TRDN: variants seen among roughly 807,000 people sequenced by gnomAD.
The protein encoded by TRDN is triadin in skeletal muscle.
TRDN carries 161 observed loss-of-function variants against 149.7 expected under a neutral mutation model. That is an observed-to-expected ratio of 1.08 (90% CI 0.95 to 1.23). TRDN has a LOEUF of 1.23. Among genes scored for constraint, TRDN ranks in the 50% most tolerant of loss-of-function variants. The probability of loss-of-function intolerance (pLI) is 0.00; values close to 1 mark genes in which losing one functional copy is unlikely to be tolerated. For synonymous variants in TRDN, 294 were observed against 250.5 expected, an observed-to-expected ratio of 1.17 and a Z score of -1.64; for missense variants, 896 against 823.5, an observed-to-expected ratio of 1.09 and a Z score of -1.08.
intron 36 of TRDN, 37 bp from the exon 37 acceptor site, chr6:123,255,162 T>G (rs1439168930): frequency 1.0e-6 from 1 of 998,064 alleles, no homozygotes; most frequent in African/African-American, 1.6e-5. Flanking sequence ...AATATAAATT[T>G]TTAAAGTAAA....
At chr6:123,397,567 T>A (rs1289579736) in intron 12 of TRDN, among the ~76,000 whole-genome samples, 1 of 152,114 alleles carries the variant, frequency 6.6e-6, no homozygotes, top group African/African-American at 2.4e-5. Context: ...AAAAATCCAA[T>A]TGACTGCTTT....
intron 12 of TRDN, chr6:123,421,634 A>G (rs1350683525): frequency 1.3e-5 from 2 of 152,114 alleles, no homozygotes; most frequent in Non-Finnish European, 2.9e-5. Flanking sequence ...CTCTGCATCA[A>G]TAGGCTTTGC....
intron 2 of TRDN, among the ~76,000 whole-genome samples, chr6:123,556,314 T>C (rs959866843): frequency 2.6e-5 from 4 of 152,190 alleles, no homozygotes; most frequent in Non-Finnish European, 5.9e-5. Flanking sequence ...TGATTTAACT[T>C]CAAAACTAAG....
intron 38 of TRDN, among the ~76,000 whole-genome samples, chr6:123,242,560 G>T (rs1235400181): frequency 6.6e-6 from 1 of 152,046 alleles, no homozygotes; most frequent in Non-Finnish European, 1.5e-5. Flanking sequence ...CAGCTAATAC[G>T]AGCCTCTTCC....
chr6:123,552,683 C>T (rs1781457027), intron 2 of TRDN, among the ~76,000 whole-genome samples: 1 of 152,098 alleles, frequency 6.6e-6, no homozygotes, highest in Admixed American at 6.6e-5. Flanking sequence ...AAAATTTAAA[C>T]TCTGCCTGAA....
At chr6:123,288,812 C>T (rs1428999820) in intron 24 of TRDN, among the ~76,000 whole-genome samples, 1 of 151,878 alleles carries the variant, frequency 6.6e-6, no homozygotes, top group East Asian at 1.9e-4. Context: ...TGGAGAATAG[C>T]ATGAAGGCTC....
chr6:123,218,852 T>A, intron 40 of TRDN, 112 bp from the exon 41 acceptor site: 1 of 1,163,942 alleles, frequency 8.6e-7, no homozygotes, highest in Non-Finnish European at 1.2e-6. Flanking sequence ...GCAGCCTCCG[T>A]AGCTGTTGGC....
intron 9 of TRDN, chr6:123,470,993 G>A (rs1339269652): frequency 6.6e-6 from 1 of 151,998 alleles, no homozygotes; most frequent in Non-Finnish European, 1.5e-5. Context: ...AGTGAGCAGA[G>A]ACAAAAAAAT....
intron 21 of TRDN, 150 bp from the exon 22 acceptor site, chr6:123,337,819 C>A: frequency 2.1e-6 from 1 of 475,844 alleles, no homozygotes; most frequent in Non-Finnish European, 3.8e-6. Flanking sequence ...CATATGTTGT[C>A]TATAAGACAT....
At chr6:123,608,417 G>A (rs566951397) in intron 1 of TRDN, among the ~76,000 whole-genome samples, 2 of 152,180 alleles carry the variant, frequency 1.3e-5, no homozygotes, top group South Asian at 4.1e-4. Context: ...ATTTTCACGA[G>A]AGTTGTGTTT....
At chr6:123,330,757 T>A (rs1779630923) in intron 23 of TRDN, among the ~76,000 whole-genome samples, 2 of 152,068 alleles carry the variant, frequency 1.3e-5, no homozygotes, top group African/African-American at 4.8e-5. Flanking sequence ...AAGTATGACT[T>A]AAGGCTATAG....
At position 123,266,717 on chromosome 6, in the gene TRDN, T is replaced by TGTATA. The variant is rs1777013630; in HGVS notation, c.1783+989_1783+990insTATAC. Among the ~76,000 whole-genome samples, 5 of 84,902 alleles carry TGTATA rather than the reference T, an allele frequency of 5.9e-5. 1 individual carries two copies. The highest frequency in any genetic ancestry group is 4.1e-4 in the Admixed American group (2 of 4,928). 55.7% of individuals were successfully genotyped at this position (84,902 alleles called of 152,430 possible). On this transcript the variant is annotated intron_variant, in intron 32 of 40. Coordinates refer to ENST00000334268, the MANE Select transcript of TRDN (RefSeq NM_006073.4). ...ATTATAATATGTATTATATATAATA[T>TGTATA]ATATGATATATTATATATGTAATAT...
intron 9 of TRDN, among the ~76,000 whole-genome samples, chr6:123,485,765 G>T (rs955680806): frequency 1.3e-5 from 2 of 152,026 alleles, no homozygotes; most frequent in East Asian, 3.9e-4. Context: ...TTATAGATGA[G>T]GAAAGAGGCT....
At chr6:123,556,957 G>A (rs977379235) in intron 2 of TRDN, among the ~76,000 whole-genome samples, 2 of 152,196 alleles carry the variant, frequency 1.3e-5, no homozygotes, top group African/African-American at 4.8e-5. Context: ...AGAAGTGAAA[G>A]TGGCCGGTCC....
At position 123,298,830 on chromosome 6, in the gene TRDN, T is replaced by C. The variant is rs1267258014; in HGVS notation, c.1510+17627A>G. On this transcript the variant is annotated intron_variant, in intron 24 of 40. Transcript: ENST00000334268. Reference sequence around the variant, plus strand: ...CCATTAAAGGAAATACCACTTTTTCTCTCCACATAGGAGATTTTTCAAAAT... The same window carrying C: ...CCATTAAAGGAAATACCACTTTTTCCCTCCACATAGGAGATTTTTCAAAAT... Among the ~76,000 whole-genome samples the C allele has an allele frequency of 3.3e-5, 5 of 152,178 alleles. No homozygotes were observed. In the East Asian group the frequency reaches 9.6e-4, roughly 29 times the overall value.
At chr6:123,349,868 C>T in intron 21 of TRDN, 1 of 985,344 alleles carries the variant, frequency 1.0e-6, no homozygotes, top group Non-Finnish European at 1.2e-6. Context: ...ATTTACAAAG[C>T]TTGCAATAGC....
intron 9 of TRDN, among the ~76,000 whole-genome samples, chr6:123,490,366 C>G (rs997157171): frequency 1.3e-5 from 2 of 152,122 alleles, no homozygotes; most frequent in African/African-American, 4.8e-5. Flanking sequence ...GTGGATACAT[C>G]GGACAAAGGG....
At chr6:123,549,733 C>T (rs1341788854) in intron 2 of TRDN, among the ~76,000 whole-genome samples, 1 of 152,018 alleles carries the variant, frequency 6.6e-6, no homozygotes, top group Non-Finnish European at 1.5e-5. Flanking sequence ...CAACTGAAAT[C>T]ATCCAAGAGA....
chr6:123,572,201 C>T (rs1417356353), intron 1 of TRDN, among the ~76,000 whole-genome samples: 2 of 152,070 alleles, frequency 1.3e-5, no homozygotes, highest in East Asian at 1.9e-4. Context: ...TTTGTATGTT[C>T]GTTTTTCCTT....
Sources: allele counts gnomAD v4.1 joint callset (sites outside exome capture counted in the v4.1 genomes callset), GRCh38; gene constraint gnomAD v4.1.1; transcripts MANE v1.5; gene names NCBI Gene and HGNC (gene_info 2026-07-23, HGNC 2026-07-21).